Variants in CFC1 observed in about 807,000 individuals in gnomAD.
CFC1 encodes the protein cryptic, EGF-CFC family member 1.
For synonymous variants in CFC1, 8 were observed against 50.7 expected, an observed-to-expected ratio of 0.16 and a Z score of 3.58; for missense variants, 14 against 120.0, an observed-to-expected ratio of 0.12 and a Z score of 4.13.
intron 5 of CFC1, among the ~76,000 whole-genome samples, chr2:130,595,207 C>T (rs1467172780): frequency 2.0e-5 from 3 of 147,088 alleles, no homozygotes; most frequent in African/African-American, 8.0e-5. Flanking sequence ...TAACCTCACA[C>T]TCCTAGGCTC....
At chr2:130,595,975 G>A (rs1371800654) in intron 5 of CFC1, among the ~76,000 whole-genome samples, 4 of 99,756 alleles carry the variant, frequency 4.0e-5, no homozygotes, top group Admixed American at 1.1e-4. Context: ...CACCTGCCAC[G>A]GAGGATGTTC....
In CFC1 at chr2:130,592,285, A is replaced by C. The variant is rs1684829231; in HGVS notation, c.*592T>G. On this transcript the variant is annotated 3_prime_UTR_variant, in exon 6 of 6. Transcript: ENST00000259216. ...CCAATAAACTAATTGACAATATAAA[A>C]TGTAAAAGTAATTATGTCACACAGG... The C allele has an allele frequency of 6.1e-6, 1 of 163,198 alleles. No homozygotes were observed. The highest frequency in any genetic ancestry group is 5.5e-5 in the Admixed American group (1 of 18,032). 10.1% of individuals were successfully genotyped at this position (163,198 alleles called of 1,614,324 possible). A position where few individuals can be genotyped will look rare whatever the true frequency, so the allele number is the denominator to read the frequency against.
chr2:130,592,654 GT>G lies in CFC1; in HGVS notation c.*222del. The stretch of plus-strand genomic sequence containing the variant: ...GGAAGGTGCTAACTGTCAGGGGAAG[GT>G]GGCGGTGCCAGGCTTTCTGGCTCCA... On this transcript the variant is annotated 3_prime_UTR_variant, in exon 6 of 6. Coordinates refer to ENST00000259216, the MANE Select transcript of CFC1 (RefSeq NM_032545.4). 1 of 161,266 alleles carries G rather than the reference GT, an allele frequency of 6.2e-6. No individual in the cohort carries two copies. Among genetic ancestry groups the G allele is most frequent in the Non-Finnish European group, 1.2e-5 (1 of 84,006 alleles). 10.0% of individuals were successfully genotyped at this position (161,266 alleles called of 1,614,324 possible). A position where few individuals can be genotyped will look rare whatever the true frequency, so the allele number is the denominator to read the frequency against.
chr2:130,592,424 G>GGGCCTGGCGTCCTCAGCTAGT lies in CFC1; in HGVS notation c.*432_*452dup, dbSNP rs1684834055. On this transcript the variant is annotated 3_prime_UTR_variant, in exon 6 of 6. Coordinates refer to ENST00000259216, the MANE Select transcript of CFC1 (RefSeq NM_032545.4). ...ATGGCCAAGCCTTTGTGGTGTCGCC[G>GGGCCTGGCGTCCTCAGCTAGT]GGCCTGGCGTCCTCAGCTAGTGGCG... The GGGCCTGGCGTCCTCAGCTAGT allele has an allele frequency of 1.0e-4, 22 of 215,132 alleles. No homozygotes were observed. The highest frequency in any genetic ancestry group is 5.0e-4 in the African/African-American group (21 of 42,030). 13.3% of individuals were successfully genotyped at this position (215,132 alleles called of 1,614,324 possible). A position where few individuals can be genotyped will look rare whatever the true frequency, so the allele number is the denominator to read the frequency against.
chr2:130,595,801 G>A (rs2105174083), intron 5 of CFC1, among the ~76,000 whole-genome samples: 1 of 149,870 alleles, frequency 6.7e-6, no homozygotes, highest in Admixed American at 6.6e-5. Flanking sequence ...CTATCTGTAG[G>A]AGTTGATCTC....
rs774353607 is a variant in CFC1 at position 130,598,729 on chromosome 2, T to C, written c.160A>G (p.Thr54Ala). ...QKHRQSPLNW[T>A]SSHFGEVTGS... ...GTCACCTCTCCGAAATGACTGGAGG[T>C]CCAGTTGAGCGGTGACTGTCGGTGC... The change falls in exon 3 of 6, where the codon ACC becomes GCC. Residue 54 changes from threonine to alanine, a missense_variant. Thr to Ala is a moderately conservative substitution (Grantham distance 58). Transcript: ENST00000259216. 6.8e-6 allele frequency: 11 copies of C among 1,613,424 alleles called. No homozygotes were observed. In the African/African-American group the frequency reaches 1.5e-4, roughly 22 times the overall value.
At chr2:130,595,965 C>T (rs1440207493) in intron 5 of CFC1, among the ~76,000 whole-genome samples, 1 of 101,222 alleles carries the variant, frequency 9.9e-6, no homozygotes, top group African/African-American at 4.9e-5. Context: ...ATTGCAATGG[C>T]ACCTGCCACG....
At chr2:130,594,240 C>A (rs572868628) in intron 5 of CFC1, among the ~76,000 whole-genome samples, 7 of 148,352 alleles carry the variant, frequency 4.7e-5, no homozygotes, top group African/African-American at 1.3e-4. Context: ...GCACCCCCCA[C>A]CTTGGGAGAG....
At chr2:130,594,408 C>T (rs1324778127) in intron 5 of CFC1, among the ~76,000 whole-genome samples, 3 of 141,946 alleles carry the variant, frequency 2.1e-5, no homozygotes, top group East Asian at 4.0e-4. Context: ...GCTGGCCTTC[C>T]CCTGAGGGAA....
At chr2:130,598,610 C>A in intron 3 of CFC1, 32 bp downstream of exon 3, 2 of 1,613,770 alleles carry the variant, frequency 1.2e-6, no homozygotes, top group Non-Finnish European at 1.7e-6. Flanking sequence ...TGAGATGACG[C>A]CCCGGATTTT....
chr2:130,594,341 C>T (rs1250814999), intron 5 of CFC1, among the ~76,000 whole-genome samples: 34 of 146,432 alleles, frequency 2.3e-4, no homozygotes, highest in African/African-American at 8.5e-4. Context: ...CTAAGACAGG[C>T]GCTCACAGCA....
At chr2:130,595,793 A>C (rs1485535007) in intron 5 of CFC1, among the ~76,000 whole-genome samples, 4 of 149,536 alleles carry the variant, frequency 2.7e-5, no homozygotes, top group East Asian at 1.9e-4. Context: ...CCTGTTTACT[A>C]TCTGTAGGAG....
Position 130,598,679 on chromosome 2 carries a change from C to T in CFC1, c.210G>A (p.Pro70=), listed in dbSNP as rs201242330. 3.2e-5 allele frequency: 52 copies of T among 1,613,832 alleles called. No individual in the cohort carries two copies. The highest frequency in any genetic ancestry group is 1.6e-4 in the Middle Eastern group (1 of 6,078). Residue 70 remains proline (P), a synonymous_variant, in exon 3 of 6, where the codon CCG becomes CCA. Transcript: ENST00000259216. ...EVTGSAEGWG[P]EEPLPYSRAF... Reference sequence around the variant, plus strand: ...CCCGGGAGTAGGGGAGCGGCTCCTCCGGCCCCCAGCCCTCGGCGCTCCCAG... The same window carrying T: ...CCCGGGAGTAGGGGAGCGGCTCCTCTGGCCCCCAGCCCTCGGCGCTCCCAG...
Position 130,593,406 on chromosome 2 carries a change from G to A in CFC1, c.473-330C>T, listed in dbSNP as rs540506150. The stretch of plus-strand genomic sequence containing the variant: ...GGAGTCCCGCTCCAGGTCATTGAGC[G>A]ATGGGGCACATAGACCCGATTTAAA... On this transcript the variant is annotated intron_variant, in intron 5 of 5. Coordinates refer to ENST00000259216, the MANE Select transcript of CFC1 (RefSeq NM_032545.4). Among the ~76,000 whole-genome samples, 6 of 152,400 alleles carry A rather than the reference G, an allele frequency of 3.9e-5. No homozygotes were observed. The East Asian group carries it at 5.8e-4, about 15-fold the overall frequency.
chr2:130,595,737 CAA>C (rs1336564757), intron 5 of CFC1, among the ~76,000 whole-genome samples: 1 of 150,918 alleles, frequency 6.6e-6, no homozygotes. Flanking sequence ...GACTCCATCT[CAA>C]AAAAAAAAAG....
chr2:130,593,456 C>T (rs1162356181), intron 5 of CFC1, among the ~76,000 whole-genome samples: 5 of 152,130 alleles, frequency 3.3e-5, no homozygotes, highest in South Asian at 2.1e-4. Flanking sequence ...TATAAATCAG[C>T]TCGCTTCCGT....
chr2:130,598,442 A>G (rs1421718586), intron 3 of CFC1, among the ~76,000 whole-genome samples, 200 bp downstream of exon 3: 2 of 150,722 alleles, frequency 1.3e-5, no homozygotes, highest in South Asian at 2.1e-4. Flanking sequence ...CGTTTTACCA[A>G]TGAAAGAGTA....
At chr2:130,595,782 C>T (rs1240886651) in intron 5 of CFC1, among the ~76,000 whole-genome samples, 1 of 150,082 alleles carries the variant, frequency 6.7e-6, no homozygotes, top group Non-Finnish European at 1.5e-5. Context: ...AAGAATCAGA[C>T]CCTGTTTACT....
chr2:130,594,330 G>T (rs1329579870), intron 5 of CFC1, among the ~76,000 whole-genome samples: 1 of 146,660 alleles, frequency 6.8e-6, no homozygotes, highest in South Asian at 2.1e-4. Context: ...AGAAGCTGGT[G>T]CTAAGACAGG....
Sources: gnomAD v4.1 joint callset for allele counts (sites outside exome capture counted in the v4.1 genomes callset) on GRCh38, gnomAD v4.1.1 for gene constraint, MANE v1.5 for transcripts, NCBI Gene and HGNC (gene_info 2026-07-23, HGNC 2026-07-21) for gene names.